PTPRR: variants seen among roughly 807,000 people sequenced by gnomAD.
PTPRR encodes receptor-type tyrosine-protein phosphatase R.
Under a neutral mutation model 77.2 loss-of-function variants are expected in PTPRR, and 38 were observed. The observed-to-expected ratio is 0.49, with a 90% confidence interval of 0.38 to 0.65. The LOEUF (loss-of-function observed/expected upper bound fraction) is 0.65, where lower values mean the gene tolerates loss of function less well. PTPRR is among the 30% of genes least tolerant of loss of function. PTPRR has a pLI of 0.00. For synonymous variants in PTPRR, 299 were observed against 283.1 expected (o/e 1.06, Z -0.57); for missense variants, 744 against 799.2 (o/e 0.93, Z 0.83).
chr12:70,657,807 C>T (rs1048683143), intron 12 of PTPRR, among the ~76,000 whole-genome samples: 1 of 152,108 alleles, frequency 6.6e-6, no homozygotes. Context: ...TCTGTTACCA[C>T]TTCTTCTATT....
chr12:70,844,497 G>C (rs10879202), intron 2 of PTPRR, among the ~76,000 whole-genome samples: 37,629 of 151,930 alleles, frequency 0.25, 4,860 homozygotes, highest in East Asian at 0.4. Flanking sequence ...TCACCTTCAT[G>C]TGGAATCTAG....
intron 10 of PTPRR, among the ~76,000 whole-genome samples, chr12:70,671,758 A>G (rs1887233840): frequency 6.6e-6 from 1 of 152,156 alleles, no homozygotes; most frequent in African/African-American, 2.4e-5. Flanking sequence ...AGGTAAACCA[A>G]CTCTGTGTCA....
At chr12:70,743,361 G>A (rs1409471377) in intron 6 of PTPRR, among the ~76,000 whole-genome samples, 1 of 152,156 alleles carries the variant, frequency 6.6e-6, no homozygotes, top group Non-Finnish European at 1.5e-5. Flanking sequence ...TGAAAGGTGG[G>A]AGAAGAACAA....
chr12:70,711,085 C>G (rs1273448194), intron 6 of PTPRR, among the ~76,000 whole-genome samples: 2 of 152,146 alleles, frequency 1.3e-5, no homozygotes, highest in Non-Finnish European at 2.9e-5. Flanking sequence ...AAGACACATT[C>G]ACACATATGT....
At chr12:70,864,580 C>A (rs1892807972) in intron 2 of PTPRR, among the ~76,000 whole-genome samples, 1 of 152,150 alleles carries the variant, frequency 6.6e-6, no homozygotes, top group African/African-American at 2.4e-5. Flanking sequence ...TTCATTCATT[C>A]AACACATATT....
chr12:70,859,466 T>C (rs542910643), intron 2 of PTPRR, among the ~76,000 whole-genome samples: 1 of 152,010 alleles, frequency 6.6e-6, no homozygotes, highest in Non-Finnish European at 1.5e-5. Flanking sequence ...AGCACGTTTA[T>C]GTACTGAGAG....
chr12:70,858,789 G>T (rs1415016971), intron 2 of PTPRR, among the ~76,000 whole-genome samples: 1 of 151,960 alleles, frequency 6.6e-6, no homozygotes, highest in African/African-American at 2.4e-5. Flanking sequence ...TTGCTGGAGA[G>T]AATATTTAAA....
intron 2 of PTPRR, among the ~76,000 whole-genome samples, chr12:70,829,312 A>G (rs1334048945): frequency 3.3e-5 from 5 of 152,156 alleles, no homozygotes; most frequent in African/African-American, 1.2e-4. Context: ...CCTGGAAGGA[A>G]GATTGAAAAG....
chr12:70,703,011 T>C (rs1228029547), intron 6 of PTPRR, among the ~76,000 whole-genome samples: 1 of 152,136 alleles, frequency 6.6e-6, no homozygotes, highest in Non-Finnish European at 1.5e-5. Context: ...AAGATATTAC[T>C]TTATTCCAAC....
intron 6 of PTPRR, among the ~76,000 whole-genome samples, chr12:70,711,813 C>CAG (rs754807931): frequency 7.9e-5 from 12 of 152,164 alleles, no homozygotes; most frequent in Non-Finnish European, 1.2e-4. Context: ...ATATAAAAAG[C>CAG]AGATATCTTA....
intron 2 of PTPRR, among the ~76,000 whole-genome samples, chr12:70,853,265 C>T (rs529984873): frequency 2.6e-5 from 4 of 152,342 alleles, no homozygotes; most frequent in Non-Finnish European, 5.9e-5. Flanking sequence ...ACCAGCCTTA[C>T]GGCATCTAAT....
chr12:70,843,656 G>GT (rs761074563), intron 2 of PTPRR, among the ~76,000 whole-genome samples: 7 of 152,000 alleles, frequency 4.6e-5, no homozygotes, highest in Non-Finnish European at 1.0e-4. Flanking sequence ...TTCCAAACCT[G>GT]TTTATGCTAA....
intron 6 of PTPRR, among the ~76,000 whole-genome samples, chr12:70,743,049 C>T (rs1308170047): frequency 1.3e-5 from 2 of 152,152 alleles, no homozygotes; most frequent in South Asian, 2.1e-4. Flanking sequence ...GCTAAAGGTA[C>T]TTTTTCAGGA....
chr12:70,745,085 G>A lies in PTPRR; in HGVS notation c.1007+733C>T, dbSNP rs75428528. 4.6e-5 allele frequency among the ~76,000 whole-genome samples: 7 copies of A among 151,640 alleles called. No individual in the cohort carries two copies. The South Asian group carries it at 1.2e-3, about 27-fold the overall frequency. ...ATGTCATGGATTTTTTTTTTCTTTA[G>A]ATAGAGTTTCACTCTGTTGCCAAGG... On this transcript the variant is annotated intron_variant, in intron 6 of 13. Transcript: ENST00000283228.
intron 2 of PTPRR, among the ~76,000 whole-genome samples, chr12:70,788,646 A>G (rs1440084488): frequency 6.6e-6 from 1 of 152,146 alleles, no homozygotes; most frequent in Non-Finnish European, 1.5e-5. Context: ...TTTTCTTTTA[A>G]TTTCAGACTT....
chr12:70,648,669 C>T (rs746122482), intron 13 of PTPRR, among the ~76,000 whole-genome samples: 2 of 152,148 alleles, frequency 1.3e-5, no homozygotes, highest in African/African-American at 4.8e-5. Context: ...GGCAGAGCCA[C>T]GCACCAAGCT....
At chr12:70,793,422 C>T (rs1891455226) in intron 2 of PTPRR, among the ~76,000 whole-genome samples, 1 of 152,132 alleles carries the variant, frequency 6.6e-6, no homozygotes, top group Non-Finnish European at 1.5e-5. Flanking sequence ...ATAATCAAAA[C>T]AATGGCTACC....
rs558242203 is a variant in PTPRR, at chr12:70,860,556, T to C, written c.357+32123A>G. On this transcript the variant is annotated intron_variant, in intron 2 of 13. Transcript: ENST00000283228. ...GGTGCTCCATGTCCTGTACTTCATG[T>C]GTATGTGCTACCTTACTTATGTATG... Among the ~76,000 whole-genome samples, 16 of 152,276 alleles carry C rather than the reference T, an allele frequency of 1.1e-4. No homozygotes were observed. In the East Asian group the frequency reaches 3.1e-3, roughly 29 times the overall value.
intron 6 of PTPRR, among the ~76,000 whole-genome samples, chr12:70,720,843 A>G (rs1307087614): frequency 1.3e-5 from 2 of 152,030 alleles, no homozygotes; most frequent in African/African-American, 4.8e-5. Flanking sequence ...ATATTTGAAT[A>G]TGCTTGATAC....
Sources: allele counts gnomAD v4.1 joint callset (sites outside exome capture counted in the v4.1 genomes callset), GRCh38; gene constraint gnomAD v4.1.1; transcripts MANE v1.5; gene names NCBI Gene and HGNC (gene_info 2026-07-23, HGNC 2026-07-21).